The following GNG7 variants were observed in gnomAD, a reference collection of about 807,000 sequenced individuals.
The protein encoded by GNG7 is G protein subunit gamma 7.
Under a neutral mutation model 4.0 loss-of-function variants are expected in GNG7, and 1 was observed. The ratio of observed to expected loss-of-function variants is 0.25; its 90% confidence interval spans 0.09 to 1.18. The LOEUF (loss-of-function observed/expected upper bound fraction) is 1.18. Ranked by LOEUF, GNG7 falls within the 50% of genes most tolerant of loss-of-function variation. The pLI is 0.50. For missense variants in GNG7, 86 were observed against 91.9 expected (o/e 0.94, Z 0.26); for synonymous variants, 34 against 36.9 (o/e 0.92, Z 0.29).
At chr19:2,643,775 G>C (rs1263616450) in intron 2 of GNG7, 1 of 383,602 alleles carries the variant, frequency 2.6e-6, no homozygotes, top group African/African-American at 2.1e-5. Flanking sequence ...TGGTTCTAAG[G>C]GTTGCCATTC....
chr19:2,543,221 CTTTT>C (rs34642408), intron 3 of GNG7, among the ~76,000 whole-genome samples: 15 of 121,642 alleles, frequency 1.2e-4, no homozygotes, highest in Admixed American at 1.7e-4. Flanking sequence ...GCCTGGCCTC[CTTTT>C]TTTTTTTTTT....
chr19:2,661,851 T>C (rs1389414416), intron 1 of GNG7, among the ~76,000 whole-genome samples: 1 of 152,128 alleles, frequency 6.6e-6, no homozygotes, highest in Non-Finnish European at 1.5e-5. Context: ...CTTCAGATGA[T>C]ACAGCCCCAG....
intron 1 of GNG7, among the ~76,000 whole-genome samples, chr19:2,657,819 T>C (rs1983035788): frequency 1.3e-5 from 2 of 152,196 alleles, no homozygotes; most frequent in South Asian, 4.1e-4. Context: ...GCTGCCTGGC[T>C]CTGCCTTCGA....
rs529896810 is a variant in GNG7 at position 2,537,228 on chromosome 19, C to T, written c.-37-16503G>A. On this transcript the variant is annotated intron_variant, in intron 3 of 4. Transcript: ENST00000382159. ...CCTCCCAAAGTGCTGGGATTACAAG[C>T]ATGAGCCACCGCGCCCGGCCACATA... 4.7e-3 allele frequency among the ~76,000 whole-genome samples: 717 copies of T among 151,514 alleles called. 3 individuals carry two copies. Among genetic ancestry groups the T allele is most frequent in the African/African-American group, 0.016 (676 of 41,314 alleles).
At chr19:2,524,456 T>C (rs958547366) in intron 3 of GNG7, among the ~76,000 whole-genome samples, 5 of 152,212 alleles carry the variant, frequency 3.3e-5, no homozygotes, top group African/African-American at 9.6e-5. Flanking sequence ...CATGTATGTG[T>C]ACCTTGCGTG....
intron 2 of GNG7, among the ~76,000 whole-genome samples, chr19:2,645,292 G>A (rs1265131783): frequency 4.7e-5 from 7 of 148,862 alleles, no homozygotes; most frequent in South Asian, 2.1e-4. Flanking sequence ...AGGCTGGAGC[G>A]CAGTGGCATG....
intron 3 of GNG7, among the ~76,000 whole-genome samples, chr19:2,541,851 G>A (rs887592641): frequency 1.3e-5 from 2 of 152,056 alleles, no homozygotes; most frequent in African/African-American, 4.8e-5. Context: ...GGAGTTTGAG[G>A]TTGCAGTGAG....
At chr19:2,596,023 GC>G (rs1981008538) in intron 2 of GNG7, among the ~76,000 whole-genome samples, 1 of 152,002 alleles carries the variant, frequency 6.6e-6, no homozygotes, top group South Asian at 2.1e-4. Flanking sequence ...AGAGGAGGAA[GC>G]AACGCTTACG....
In GNG7 at chr19:2,688,350, C is replaced by A. The variant is rs145272254; in HGVS notation, c.-135+14296G>T. ...CAGTGCTCTGGGGAAGTGGGGAGTT[C>A]CCTCAGCAAGAATGACCTCAGAGTA... On this transcript the variant is annotated intron_variant, in intron 1 of 4. Coordinates refer to ENST00000382159, the MANE Select transcript of GNG7 (RefSeq NM_052847.3). Among the ~76,000 whole-genome samples, 838 of 152,226 alleles carry A rather than the reference C, an allele frequency of 5.5e-3. 6 individuals are homozygous for A. Among genetic ancestry groups the A allele is most frequent in the Non-Finnish European group, 7.5e-3 (510 of 68,008 alleles).
chr19:2,604,133 A>G (rs1264080486), intron 2 of GNG7, among the ~76,000 whole-genome samples: 2 of 151,940 alleles, frequency 1.3e-5, no homozygotes, highest in African/African-American at 4.8e-5. Context: ...TACAGGCGTG[A>G]GCCACCGTGC....
chr19:2,551,589 G>GTATTAATAAATATATAAA (rs1421883737), intron 3 of GNG7, among the ~76,000 whole-genome samples: 3 of 145,756 alleles, frequency 2.1e-5, no homozygotes, highest in Non-Finnish European at 3.0e-5. Context: ...ATATAAATAT[G>GTATTAATAAATATATAAA]CATTTATAAA....
intron 4 of GNG7, among the ~76,000 whole-genome samples, chr19:2,516,645 C>T (rs1416305465): frequency 1.3e-5 from 2 of 152,210 alleles, no homozygotes; most frequent in Non-Finnish European, 2.9e-5. Flanking sequence ...CTCATTCTCA[C>T]CCCAAGGAAG....
chr19:2,656,029 C>CAAAAAAAAAAAAAAAAAAA (rs55687607), intron 1 of GNG7, among the ~76,000 whole-genome samples: 1 of 98,086 alleles, frequency 1.0e-5, no homozygotes, highest in African/African-American at 3.7e-5. Context: ...CGATTCAAAA[C>CAAAAAAAAAAAAAAAAAAA]AAAAAAAAAA....
chr19:2,614,074 C>T lies in GNG7; in HGVS notation c.-78+32150G>A, dbSNP rs1981651957. Among the ~76,000 whole-genome samples, 1 of 152,220 alleles carries T rather than the reference C, an allele frequency of 6.6e-6. No homozygotes were observed. The highest frequency in any genetic ancestry group is 1.5e-5 in the Non-Finnish European group (1 of 68,030). On this transcript the variant is annotated intron_variant, in intron 2 of 4. Coordinates refer to ENST00000382159, the MANE Select transcript of GNG7 (RefSeq NM_052847.3). The surrounding 1 kb of genome is among the most constrained non-coding windows in gnomAD (Gnocchi z 6.0). ...CCCCCGGGGTAAAGGGGGCCAGCCT[C>T]GCACAGGTGGGTCCGTTGCAGGCGT... is the stretch of plus-strand genomic sequence containing the variant.
In GNG7 at chr19:2,514,990, G is replaced by T; in HGVS notation, c.*32C>A. ...AGACAGAGAGAGAGAGAGAGAAAGA[G>T]AGAGAGAGAGAGAGAACATATGAGA... On this transcript the variant is annotated 3_prime_UTR_variant, in exon 5 of 5. Transcript: ENST00000382159. 1 of 1,465,816 alleles carries T rather than the reference G, an allele frequency of 6.8e-7. No homozygotes were observed. Among genetic ancestry groups the T allele is most frequent in the East Asian group, 2.4e-5 (1 of 42,456 alleles). 90.8% of individuals were successfully genotyped at this position (1,465,816 alleles called of 1,614,324 possible). A position where few individuals can be genotyped will look rare whatever the true frequency, so the allele number is the denominator to read the frequency against.
chr19:2,691,310 G>A (rs1216962882), intron 1 of GNG7, among the ~76,000 whole-genome samples: 4 of 152,134 alleles, frequency 2.6e-5, no homozygotes, highest in African/African-American at 7.2e-5. Flanking sequence ...TTGGGAGGAC[G>A]GGACCAGAGG....
intron 2 of GNG7, among the ~76,000 whole-genome samples, chr19:2,627,674 A>G (rs565324911): frequency 6.6e-6 from 1 of 152,366 alleles, no homozygotes; most frequent in African/African-American, 2.4e-5. Flanking sequence ...GTCAGGGTAC[A>G]GCATGTCACA....
chr19:2,605,239 C>T (rs150369440), intron 2 of GNG7, among the ~76,000 whole-genome samples: 95 of 152,278 alleles, frequency 6.2e-4, no homozygotes, highest in African/African-American at 2.2e-3. Context: ...TCTCTGTTGC[C>T]CAGGTTGGAG....
At chr19:2,624,692 C>T (rs1042449573) in intron 2 of GNG7, among the ~76,000 whole-genome samples, 3 of 152,220 alleles carry the variant, frequency 2.0e-5, no homozygotes, top group African/African-American at 4.8e-5. Context: ...CCAGCCCTGG[C>T]GGCTATTCCT....
Sources: allele counts gnomAD v4.1 joint callset (sites outside exome capture counted in the v4.1 genomes callset), GRCh38; gene constraint gnomAD v4.1.1; non-coding constraint Gnocchi (gnomAD v3.1); transcripts MANE v1.5; gene names NCBI Gene and HGNC (gene_info 2026-07-23, HGNC 2026-07-21).